PGAM5: variants seen among roughly 807,000 people sequenced by gnomAD.
The protein encoded by PGAM5 is serine/threonine-protein phosphatase PGAM5, mitochondrial.
A neutral mutation model predicts 30.6 loss-of-function variants in PGAM5; 25 were observed. The observed-to-expected ratio is 0.82, with a 90% CI of 0.60 to 1.14. The LOEUF is 1.14. Among genes scored for constraint, PGAM5 ranks in the 50% most tolerant of loss-of-function variants. The pLI, the probability that PGAM5 is intolerant of heterozygous loss-of-function variation, is 0.00. For missense variants in PGAM5, 384 were observed against 408.5 expected (o/e 0.94, Z 0.52); for synonymous variants, 201 against 179.1 (o/e 1.12, Z -0.98).
chr12:132,717,697 T>G lies in PGAM5; in HGVS notation c.497-13T>G. The G allele has an allele frequency of 6.4e-7, 1 of 1,567,834 alleles. No homozygotes were observed. The highest frequency in any genetic ancestry group is 8.7e-7 in the Non-Finnish European group (1 of 1,155,950). On this transcript the variant is annotated splice_polypyrimidine_tract_variant and intron_variant, in intron 3 of 5. Transcript: ENST00000498926. Reference sequence around the variant, plus strand: ...GGCCGCCTCACCCAGCGCTTCGCTGTGCTTCTCTGCAGGCGTCTGCAAAGT... The same window carrying G: ...GGCCGCCTCACCCAGCGCTTCGCTGGGCTTCTCTGCAGGCGTCTGCAAAGT...
At position 132,720,821 on chromosome 12, in the gene PGAM5, G is replaced by C; in HGVS notation, c.863G>C (p.Arg288Pro). 6.5e-7 allele frequency: 1 copy of C among 1,536,182 alleles called. No homozygotes were observed. Among genetic ancestry groups the C allele is most frequent in the Non-Finnish European group, 8.7e-7 (1 of 1,146,694 alleles). The change falls in exon 6 of 6, where the codon CGA becomes CCA. Residue 288 changes from arginine (R) to proline (P), a missense_variant. By Grantham distance (103) the Arg-to-Pro change is moderately radical (BLOSUM62 -2). Transcript: ENST00000498926. ...TGFMPPDKIT[R>P]S Reference sequence around the variant, plus strand: ...TTCATGCCTCCCGACAAGATCACTCGATCCTGAGGGCTCCGGCCTCTCCTT... The same window carrying C: ...TTCATGCCTCCCGACAAGATCACTCCATCCTGAGGGCTCCGGCCTCTCCTT...
chr12:132,718,592 G>A (rs191285711), intron 5 of PGAM5, among the ~76,000 whole-genome samples: 168 of 38,756 alleles, frequency 4.3e-3, no homozygotes, highest in Middle Eastern at 0.015. Flanking sequence ...GGTGGGGTGC[G>A]TGCTGGGTGG....
Position 132,710,868 on chromosome 12 carries a change from G to A in PGAM5, c.-9G>A. On this transcript the variant is annotated 5_prime_UTR_variant, in exon 1 of 6. Coordinates refer to ENST00000498926, the MANE Select transcript of PGAM5 (RefSeq NM_001170543.2). ...GGCGCCTGCGCGGGCCGGCGCGGGA[G>A]CAAGCGGCATGGCGTTCCGGCAGGC... 4 of 1,126,870 alleles carry A rather than the reference G, an allele frequency of 3.5e-6. No individual in the cohort carries two copies. The highest frequency in any genetic ancestry group is 4.3e-6 in the Non-Finnish European group (4 of 921,974). The allele number at this position is 1,126,870 out of a possible 1,614,324, so 69.8% of individuals were successfully genotyped here.
chr12:132,710,958 G>A lies in PGAM5; in HGVS notation c.82G>A (p.Val28Ile). Residue 28 changes from valine to isoleucine, a missense_variant, in exon 1 of 6, where the codon GTA becomes ATA. Val to Ile is a conservative substitution (Grantham distance 29). Coordinates refer to ENST00000498926, the MANE Select transcript of PGAM5 (RefSeq NM_001170543.2). ...SAAVLFSAVA[V>I]GKPRAGGDAE... The stretch of plus-strand genomic sequence containing the variant: ...CGCCGTGCTCTTCTCGGCCGTGGCG[G>A]TAGGGAAGCCGCGCGCAGGCGGGGA... 1.7e-6 allele frequency: 2 copies of A among 1,184,760 alleles called. No individual in the cohort carries two copies. Among genetic ancestry groups the A allele is most frequent in the Non-Finnish European group, 2.1e-6 (2 of 958,378 alleles). 73.4% of individuals were successfully genotyped at this position (1,184,760 alleles called of 1,614,324 possible). A position where few individuals can be genotyped will look rare whatever the true frequency, so the allele number is the denominator to read the frequency against.
chr12:132,710,843 G>A lies in PGAM5; in HGVS notation c.-34G>A, dbSNP rs2043513436. 2.7e-6 allele frequency: 3 copies of A among 1,098,346 alleles called. No homozygotes were observed. Among genetic ancestry groups the A allele is most frequent in the African/African-American group, 3.4e-5 (2 of 59,602 alleles). 68.0% of individuals were successfully genotyped at this position (1,098,346 alleles called of 1,614,324 possible). The stretch of plus-strand genomic sequence containing the variant: ...CTCGCGGAGCGCCGTCGGGGCCGTG[G>A]GCGCCTGCGCGGGCCGGCGCGGGAG... On this transcript the variant is annotated 5_prime_UTR_variant, in exon 1 of 6. Coordinates refer to ENST00000498926, the MANE Select transcript of PGAM5 (RefSeq NM_001170543.2).
chr12:132,717,560 G>T lies in PGAM5; in HGVS notation c.492G>T (p.Leu164=). 6.2e-7 allele frequency: 1 copy of T among 1,610,640 alleles called. No individual in the cohort carries two copies. Among genetic ancestry groups the T allele is most frequent in the Non-Finnish European group, 8.5e-7 (1 of 1,179,852 alleles). The change falls in exon 3 of 6, where the codon CTG becomes CTT. Residue 164 remains leucine, a synonymous_variant. Coordinates refer to ENST00000498926, the MANE Select transcript of PGAM5 (RefSeq NM_001170543.2). ...CCACCGATATCATCAGCCGGCACCT[G>T]CCAGGTGAGTGCTGCGCGCGGGGCC... is the stretch of plus-strand genomic sequence containing the variant. The part of the protein sequence containing the change: ...IETTDIISRH[L]PGVCKVSTDL...
chr12:132,715,008 G>A lies in PGAM5; in HGVS notation c.342G>A (p.Leu114=). ...CCCAGTACCACGTGGATGGCTCCCT[G>A]GAGAAGGACCGCACTCTGACCCCGC... ...RHSQYHVDGS[L]EKDRTLTPLG... Residue 114 remains leucine, a synonymous_variant, in exon 2 of 6, where the codon CTG becomes CTA. Transcript: ENST00000498926. 6.2e-7 allele frequency: 1 copy of A among 1,612,962 alleles called. No individual in the cohort carries two copies.
Position 132,717,556 on chromosome 12 carries a change from A to T in PGAM5, c.488A>T (p.His163Leu). The change falls in exon 3 of 6, where the codon CAC becomes CTC. Residue 163 changes from histidine to leucine, a missense_variant. By Grantham distance (99) the His-to-Leu change is moderately conservative. Transcript: ENST00000498926. ...GAGACCACCGATATCATCAGCCGGC[A>T]CCTGCCAGGTGAGTGCTGCGCGCGG... The part of the protein sequence containing the change: ...AIETTDIISR[H>L]LPGVCKVSTD... The T allele has an allele frequency of 6.2e-7, 1 of 1,610,558 alleles. No homozygotes were observed. The highest frequency in any genetic ancestry group is 8.5e-7 in the Non-Finnish European group (1 of 1,179,832).
chr12:132,711,360 G>A (rs1324641254), intron 1 of PGAM5: 1 of 231,370 alleles, frequency 4.3e-6, no homozygotes, highest in Non-Finnish European at 8.3e-6. Flanking sequence ...CCGGGGCGAG[G>A]CTGAGGTGGA....
Position 132,717,754 on chromosome 12 carries a change from A to T in PGAM5, c.541A>T (p.Ile181Phe), listed in dbSNP as rs1435045137. 10 of 1,585,730 alleles carry T rather than the reference A, an allele frequency of 6.3e-6. No homozygotes were observed. The highest frequency in any genetic ancestry group is 8.6e-6 in the Non-Finnish European group (10 of 1,166,430). The stretch of plus-strand genomic sequence containing the variant: ...AGATCTGCTGCGGGAAGGCGCCCCC[A>T]TCGAGCCAGACCCGCCCGTGTCTCA... ...STDLLREGAPIEPDPPVSHWK... is the reference protein window; with the variant it reads ...STDLLREGAPFEPDPPVSHWK... Residue 181 changes from isoleucine to phenylalanine, a missense_variant, in exon 4 of 6, where the codon ATC becomes TTC. By Grantham distance (21) the Ile-to-Phe change is conservative. Coordinates refer to ENST00000498926, the MANE Select transcript of PGAM5 (RefSeq NM_001170543.2).
chr12:132,717,891 T>A, intron 4 of PGAM5, 93 bp downstream of exon 4: 2 of 1,598,208 alleles, frequency 1.3e-6, no homozygotes, highest in African/African-American at 1.3e-5. Flanking sequence ...TGCCCGGCCG[T>A]CCCACGGGCT....
intron 5 of PGAM5, chr12:132,719,068 G>C: frequency 7.1e-7 from 1 of 1,413,496 alleles, no homozygotes; most frequent in Non-Finnish European, 9.2e-7. Context: ...CTGCAGCCAC[G>C]TTAGAGGGCC....
At chr12:132,713,187 G>C (rs1047498115) in intron 1 of PGAM5, among the ~76,000 whole-genome samples, 8 of 152,118 alleles carry the variant, frequency 5.3e-5, no homozygotes, top group Non-Finnish European at 1.2e-4. Flanking sequence ...ACTTGAAGTA[G>C]AACCGGGAGC....
intron 2 of PGAM5, among the ~76,000 whole-genome samples, chr12:132,715,594 C>G (rs1422105746): frequency 7.6e-6 from 1 of 131,968 alleles, no homozygotes; most frequent in Non-Finnish European, 1.6e-5. Flanking sequence ...ATGTCCTTAC[C>G]TTGGCCAGGC....
intron 5 of PGAM5, among the ~76,000 whole-genome samples, chr12:132,719,601 C>T (rs1460935032): frequency 6.6e-6 from 1 of 152,208 alleles, no homozygotes; most frequent in Non-Finnish European, 1.5e-5. Context: ...ACAGTCACCC[C>T]GAGGTGACAC....
At position 132,714,690 on chromosome 12, in the gene PGAM5, G is replaced by C. The variant is rs368794882; in HGVS notation, c.192-168G>C. On this transcript the variant is annotated intron_variant, in intron 1 of 5. Transcript: ENST00000498926. ...AGACCTGGCACTAGCTTTGTGGGAG[G>C]GAGAGTGGCGGTATGCTCAGAGAGG... The C allele has an allele frequency of 1.2e-5, 8 of 671,552 alleles. No individual in the cohort carries two copies. In the African/African-American group the frequency reaches 1.5e-4, roughly 12 times the overall value. 41.6% of individuals were successfully genotyped at this position (671,552 alleles called of 1,614,324 possible).
intron 1 of PGAM5, 130 bp from the exon 2 acceptor site, chr12:132,714,728 T>C: frequency 1.0e-6 from 1 of 1,001,540 alleles, no homozygotes; most frequent in East Asian, 2.6e-5. Flanking sequence ...TCCCCAGGGC[T>C]GTGCCAAGGG....
intron 5 of PGAM5, chr12:132,718,846 C>T (rs376069836): frequency 1.6e-4 from 252 of 1,613,026 alleles, no homozygotes; most frequent in South Asian, 3.8e-4. Flanking sequence ...CGCTCCCACC[C>T]GTGTGCCAGC....
Position 132,717,559 on chromosome 12 carries a change from TGC to T in PGAM5, c.492_493del (p.Pro165ArgfsTer82). 6.2e-7 allele frequency: 1 copy of T among 1,610,732 alleles called. No individual in the cohort carries two copies. Among genetic ancestry groups the T allele is most frequent in the Non-Finnish European group, 8.5e-7 (1 of 1,179,850 alleles). On this transcript the variant is annotated frameshift_variant, in exon 3 of 6. Transcript: ENST00000498926. LOFTEE classifies it high-confidence loss of function. ...ACCACCGATATCATCAGCCGGCACC[TGC>T]CAGGTGAGTGCTGCGCGCGGGGCCT...
Sources: gnomAD v4.1 joint callset for allele counts (sites outside exome capture counted in the v4.1 genomes callset) on GRCh38, gnomAD v4.1.1 for gene constraint, MANE v1.5 for transcripts, NCBI Gene and HGNC (gene_info 2026-07-23, HGNC 2026-07-21) for gene names.